Variants in GASK1A observed in about 807,000 individuals in gnomAD.
The protein encoded by GASK1A is golgi associated kinase 1A.
In GASK1A, 40 loss-of-function variants were observed where a neutral mutation model predicts 41.2. That is an observed-to-expected ratio of 0.97 (90% confidence interval 0.75 to 1.27). The LOEUF (loss-of-function observed/expected upper bound fraction) is 1.27. GASK1A is among the 50% of genes most tolerant of loss of function. GASK1A has a pLI of 0.00. For synonymous variants in GASK1A, 316 were observed against 307.1 expected, an observed-to-expected ratio of 1.03 and a Z score of -0.30; for missense variants, 678 against 745.1, an observed-to-expected ratio of 0.91 and a Z score of 1.05.
At position 43,053,490 on chromosome 3, in the gene GASK1A, G is replaced by A. The variant is rs950449846; in HGVS notation, c.1291-31G>A. The stretch of plus-strand genomic sequence containing the variant: ...GCCTGGTGGAGGCAGGCCCCCTGCC[G>A]CACCCCACCGAAGGCTGGGTGTCTC... On this transcript the variant is annotated intron_variant, in intron 2 of 4. Transcript: ENST00000430121. The A allele has an allele frequency of 4.3e-5, 65 of 1,510,778 alleles. No homozygotes were observed. In the Middle Eastern group the frequency reaches 7.0e-4, roughly 16 times the overall value. The allele number at this position is 1,510,778 out of a possible 1,614,324, so 93.6% of individuals were successfully genotyped here.
intron 1 of GASK1A, among the ~76,000 whole-genome samples, chr3:42,983,556 A>G (rs1317647712): frequency 6.6e-6 from 1 of 152,126 alleles, no homozygotes; most frequent in Admixed American, 6.5e-5. Context: ...TGCTGACTGG[A>G]TGAGAATGTA....
At chr3:43,013,635 G>C (rs1197708637) in intron 1 of GASK1A, among the ~76,000 whole-genome samples, 1 of 152,124 alleles carries the variant, frequency 6.6e-6, no homozygotes, top group Non-Finnish European at 1.5e-5. Flanking sequence ...ACAGAAAGGG[G>C]CAGTGTGAGG....
chr3:43,056,524 AT>A lies in GASK1A; in HGVS notation c.*139del. 2.7e-6 allele frequency: 2 copies of A among 735,494 alleles called. No individual in the cohort carries two copies. Among genetic ancestry groups the A allele is most frequent in the Non-Finnish European group, 4.3e-6 (2 of 461,390 alleles). The allele number at this position is 735,494 out of a possible 1,614,324, so 45.6% of individuals were successfully genotyped here. ...TCACGGGATATTTCACCTGCCTGGG[AT>A]GGTGGAGGTAGTATGGGGTTTTCAA... On this transcript the variant is annotated 3_prime_UTR_variant, in exon 5 of 5. Coordinates refer to ENST00000430121, the MANE Select transcript of GASK1A (RefSeq NM_001129908.3).
intron 1 of GASK1A, among the ~76,000 whole-genome samples, chr3:43,030,447 C>A (rs368940431): frequency 2.6e-5 from 4 of 152,218 alleles, no homozygotes; most frequent in East Asian, 3.9e-4. Context: ...GCTGCGCAGT[C>A]CCGAAGAGCC....
chr3:43,044,929 C>T (rs1384680385), intron 2 of GASK1A, among the ~76,000 whole-genome samples: 12 of 152,158 alleles, frequency 7.9e-5, no homozygotes, highest in South Asian at 2.1e-4. Flanking sequence ...AGGGGGCCAA[C>T]GCTAGTATGG....
chr3:42,990,138 G>A (rs2089332227), intron 1 of GASK1A, among the ~76,000 whole-genome samples: 1 of 151,856 alleles, frequency 6.6e-6, no homozygotes, highest in African/African-American at 2.4e-5. Context: ...GACCAGCCTG[G>A]GCAACATAGA....
At chr3:43,042,664 G>T (rs1043880838) in intron 2 of GASK1A, among the ~76,000 whole-genome samples, 1 of 152,160 alleles carries the variant, frequency 6.6e-6, no homozygotes, top group Non-Finnish European at 1.5e-5. Flanking sequence ...AACCTACTTT[G>T]CTGTGGTGGA....
chr3:43,005,402 T>C (rs1447209719), intron 1 of GASK1A, among the ~76,000 whole-genome samples: 1 of 152,226 alleles, frequency 6.6e-6, no homozygotes, highest in Non-Finnish European at 1.5e-5. Flanking sequence ...TGTGTTGTAC[T>C]GAGTAGTGTG....
intron 1 of GASK1A, among the ~76,000 whole-genome samples, chr3:43,008,518 T>G (rs967751503): frequency 1.3e-5 from 2 of 152,244 alleles, no homozygotes; most frequent in Non-Finnish European, 2.9e-5. Context: ...TCCTATCTGA[T>G]AGACTCACTG....
At chr3:43,025,414 A>G (rs916199506) in intron 1 of GASK1A, among the ~76,000 whole-genome samples, 1 of 152,232 alleles carries the variant, frequency 6.6e-6, no homozygotes, top group African/African-American at 2.4e-5. Context: ...ATGGGAATCC[A>G]TAGGAGAGAG....
intron 1 of GASK1A, among the ~76,000 whole-genome samples, chr3:43,026,849 A>C (rs1426573108): frequency 6.6e-6 from 1 of 152,216 alleles, no homozygotes; most frequent in Non-Finnish European, 1.5e-5. Context: ...AGAAATATTT[A>C]ATATTTAGCT....
At chr3:43,041,977 G>A (rs987233776) in intron 2 of GASK1A, among the ~76,000 whole-genome samples, 5 of 152,130 alleles carry the variant, frequency 3.3e-5, no homozygotes, top group Non-Finnish European at 7.3e-5. Flanking sequence ...TGTGCTGGGG[G>A]CATGGGCCAC....
chr3:43,039,717 CT>C (rs1390930637), intron 2 of GASK1A, among the ~76,000 whole-genome samples: 1 of 152,116 alleles, frequency 6.6e-6, no homozygotes, highest in Non-Finnish European at 1.5e-5. Flanking sequence ...TGTGTGGCCC[CT>C]GTGATTCCTT....
At chr3:43,036,146 C>T (rs1031240210) in intron 2 of GASK1A, among the ~76,000 whole-genome samples, 1 of 152,218 alleles carries the variant, frequency 6.6e-6, no homozygotes, top group Non-Finnish European at 1.5e-5. Flanking sequence ...GCTGCCAACC[C>T]CTGCTGTGGG....
intron 2 of GASK1A, among the ~76,000 whole-genome samples, chr3:43,052,842 A>G (rs1575453556): frequency 6.6e-6 from 1 of 152,158 alleles, no homozygotes; most frequent in Non-Finnish European, 1.5e-5. Context: ...GATTCTTCCT[A>G]TTGCTGACTT....
chr3:43,020,703 G>A (rs1318118016), intron 1 of GASK1A, among the ~76,000 whole-genome samples: 1 of 152,252 alleles, frequency 6.6e-6, no homozygotes, highest in African/African-American at 2.4e-5. Flanking sequence ...GGCCTGGTGA[G>A]CATGGCTGGG....
chr3:43,039,301 C>G (rs1483949536), intron 2 of GASK1A, among the ~76,000 whole-genome samples: 1 of 149,264 alleles, frequency 6.7e-6, no homozygotes, highest in Non-Finnish European at 1.5e-5. Context: ...CTCCCGGGTT[C>G]AAGTGATTCT....
chr3:43,004,956 C>G (rs1445339977), intron 1 of GASK1A, among the ~76,000 whole-genome samples: 1 of 152,166 alleles, frequency 6.6e-6, no homozygotes, highest in East Asian at 1.9e-4. Flanking sequence ...GGGGGAGAAT[C>G]CATTTCCTTG....
intron 2 of GASK1A, among the ~76,000 whole-genome samples, chr3:43,042,782 A>T (rs1333896323): frequency 6.6e-6 from 1 of 152,182 alleles, no homozygotes; most frequent in Non-Finnish European, 1.5e-5. Context: ...AGCTCCTCAA[A>T]GCCCATCAGC....
Sources: allele counts gnomAD v4.1 joint callset (sites outside exome capture counted in the v4.1 genomes callset), GRCh38; gene constraint gnomAD v4.1.1; transcripts MANE v1.5; gene names NCBI Gene and HGNC (gene_info 2026-07-23, HGNC 2026-07-21).